The following SYN3 variants were observed in gnomAD, a reference collection of about 807,000 sequenced individuals.
SYN3 encodes the protein synapsin-3.
A neutral mutation model predicts 65.8 loss-of-function variants in SYN3; 35 were observed. The ratio of observed to expected loss-of-function variants is 0.53; its 90% CI spans 0.41 to 0.70. SYN3 has a LOEUF of 0.70. SYN3 is among the 30% of genes least tolerant of loss of function. SYN3 has a pLI of 0.00. For synonymous variants in SYN3, 270 were observed against 292.9 expected, an observed-to-expected ratio of 0.92 and a Z score of 0.80; for missense variants, 680 against 749.0, an observed-to-expected ratio of 0.91 and a Z score of 1.08.
Position 32,989,427 on chromosome 22 carries a change from G to A in SYN3, c.312-8725C>T, listed in dbSNP as rs940869754. On this transcript the variant is annotated intron_variant, in intron 2 of 13. Transcript: ENST00000358763. ...TTCTCTCTCCAAGAGGAGGTAGATG[G>A]CAGCATCTGCCTTGCTCTAAATGAA... 3.9e-5 allele frequency among the ~76,000 whole-genome samples: 6 copies of A among 152,278 alleles called. No individual in the cohort carries two copies. The East Asian group carries it at 9.7e-4, about 25-fold the overall frequency.
At chr22:32,883,182 T>C (rs1315772580) in intron 4 of SYN3, among the ~76,000 whole-genome samples, 1 of 152,202 alleles carries the variant, frequency 6.6e-6, no homozygotes, top group African/African-American at 2.4e-5. Flanking sequence ...CTGCAGAGGG[T>C]GCAGGGAACA....
At chr22:32,671,001 G>A (rs972832227) in intron 6 of SYN3, among the ~76,000 whole-genome samples, 2 of 152,328 alleles carry the variant, frequency 1.3e-5, no homozygotes, top group South Asian at 4.1e-4. Flanking sequence ...GGACCGGGTG[G>A]AAGTCAAGAG....
At chr22:32,890,805 A>C (rs1264334167) in intron 4 of SYN3, among the ~76,000 whole-genome samples, 1 of 152,140 alleles carries the variant, frequency 6.6e-6, no homozygotes, top group Non-Finnish European at 1.5e-5. Context: ...ATAACTATAT[A>C]TATAGAGAGA....
intron 1 of SYN3, among the ~76,000 whole-genome samples, chr22:33,024,808 A>G (rs1601923839): frequency 6.6e-6 from 1 of 152,198 alleles, no homozygotes; most frequent in East Asian, 1.9e-4. Flanking sequence ...AAGACAGTTC[A>G]TTGGTTCCAG....
In SYN3 at chr22:32,931,453, G is replaced by A; in HGVS notation, c.398C>T (p.Ala133Val). Residue 133 changes from alanine (A) to valine (V), a missense_variant, in exon 4 of 14, where the codon GCC (alanine) becomes GTC (valine). Physicochemically the swap from Ala to Val is moderately conservative, Grantham distance 64. Coordinates refer to ENST00000358763, the MANE Select transcript of SYN3 (RefSeq NM_003490.4). ...CACCATGCAGCCCCCGGTCACATAG[G>A]CAGCTAGGTTCAACTCTGAGAATTC... ...QAEFSELNLA[A>V]YVTGGCMVDM... 1 of 1,613,972 alleles carries A rather than the reference G, an allele frequency of 6.2e-7. No individual in the cohort carries two copies. The highest frequency in any genetic ancestry group is 1.7e-5 in the Admixed American group (1 of 60,016).
At chr22:32,597,697 G>A (rs1314283677) in intron 6 of SYN3, among the ~76,000 whole-genome samples, 2 of 152,140 alleles carry the variant, frequency 1.3e-5, no homozygotes, top group African/African-American at 2.4e-5. Context: ...CCTCCCTTAG[G>A]AAGCCACACT....
At position 32,998,790 on chromosome 22, in the gene SYN3, A is replaced by AAAC. The variant is rs1556121742; in HGVS notation, c.311+7561_311+7562insGTT. ...TATAGAAATAGTAAAAAAAAAAAAA[A>AAAC]AAAAAAAAACAAAAGTCCCTCCATC... On this transcript the variant is annotated intron_variant, in intron 2 of 13. Coordinates refer to ENST00000358763, the MANE Select transcript of SYN3 (RefSeq NM_003490.4). 3.2e-4 allele frequency among the ~76,000 whole-genome samples: 45 copies of AAAC among 142,238 alleles called. 1 individual carries two copies. In the East Asian group the frequency reaches 3.2e-3, roughly 10 times the overall value. 93.3% of individuals were successfully genotyped at this position (142,238 alleles called of 152,430 possible). A position where few individuals can be genotyped will look rare whatever the true frequency, so the allele number is the denominator to read the frequency against.
intron 6 of SYN3, among the ~76,000 whole-genome samples, chr22:32,676,290 G>A (rs2147088422): frequency 6.6e-6 from 1 of 152,280 alleles, no homozygotes; most frequent in African/African-American, 2.4e-5. Flanking sequence ...CATCAGGGAA[G>A]GGCCTGGGTA....
chr22:32,945,829 T>G (rs920801112), intron 3 of SYN3, among the ~76,000 whole-genome samples: 1 of 152,110 alleles, frequency 6.6e-6, no homozygotes, highest in African/African-American at 2.4e-5. Context: ...TACAAAGTAC[T>G]CAAACAAATT....
chr22:32,556,296 G>A (rs964660911), intron 7 of SYN3, among the ~76,000 whole-genome samples: 2 of 152,116 alleles, frequency 1.3e-5, no homozygotes, highest in African/African-American at 4.8e-5. Context: ...ATTGGGCAGT[G>A]CACAAATTCC....
intron 3 of SYN3, among the ~76,000 whole-genome samples, chr22:32,955,751 T>C (rs2051434081): frequency 6.6e-6 from 1 of 151,932 alleles, no homozygotes; most frequent in African/African-American, 2.4e-5. Flanking sequence ...CAAAGGAGAT[T>C]AACATTTGAG....
intron 6 of SYN3, among the ~76,000 whole-genome samples, chr22:32,732,116 G>C (rs562024026): frequency 1.3e-5 from 2 of 152,200 alleles, no homozygotes; most frequent in African/African-American, 4.8e-5. Context: ...AGAGATGCAA[G>C]CACCTTCACT....
intron 7 of SYN3, among the ~76,000 whole-genome samples, chr22:32,557,874 C>A: frequency 6.6e-6 from 1 of 152,214 alleles, no homozygotes; most frequent in South Asian, 2.1e-4. Context: ...CTCCATTGTT[C>A]TGTGCCTGGC....
At chr22:32,924,474 T>A (rs1368849245) in intron 4 of SYN3, among the ~76,000 whole-genome samples, 1 of 152,212 alleles carries the variant, frequency 6.6e-6, no homozygotes, top group Non-Finnish European at 1.5e-5. Flanking sequence ...CTACTCAAAA[T>A]GTGATCTTCC....
intron 10 of SYN3, among the ~76,000 whole-genome samples, chr22:32,529,721 A>G (rs551739196): frequency 1.3e-5 from 2 of 152,198 alleles, no homozygotes; most frequent in Admixed American, 6.5e-5. Flanking sequence ...GCTATGGGAG[A>G]TCTGGAAGGG....
At chr22:32,670,999 T>C (rs1015440774) in intron 6 of SYN3, among the ~76,000 whole-genome samples, 5 of 152,162 alleles carry the variant, frequency 3.3e-5, no homozygotes, top group Admixed American at 6.5e-5. Context: ...GTGGACCGGG[T>C]GGAAGTCAAG....
chr22:32,979,670 A>G (rs2052314334), intron 3 of SYN3, among the ~76,000 whole-genome samples: 1 of 152,212 alleles, frequency 6.6e-6, no homozygotes, highest in African/African-American at 2.4e-5. Flanking sequence ...GATGCTGATG[A>G]TAAATGGGTA....
intron 6 of SYN3, among the ~76,000 whole-genome samples, chr22:32,651,882 C>A (rs1262992704): frequency 6.6e-6 from 1 of 152,154 alleles, no homozygotes. Context: ...TGGAGACATT[C>A]TTGGTTTTCA....
chr22:33,021,513 T>C (rs2145861757), intron 1 of SYN3, among the ~76,000 whole-genome samples: 1 of 152,314 alleles, frequency 6.6e-6, no homozygotes, highest in Admixed American at 6.5e-5. Flanking sequence ...ATTCAAGGCC[T>C]GGCACATTTC....
Sources: gnomAD v4.1 joint callset for allele counts (sites outside exome capture counted in the v4.1 genomes callset) on GRCh38, gnomAD v4.1.1 for gene constraint, MANE v1.5 for transcripts, NCBI Gene and HGNC (gene_info 2026-07-23, HGNC 2026-07-21) for gene names.